Variants in SCYL3 observed in about 807,000 individuals in gnomAD.
The protein encoded by SCYL3 is protein-associating with the carboxyl-terminal domain of ezrin.
A neutral mutation model predicts 73.8 loss-of-function variants in SCYL3; 35 were observed. The ratio of observed to expected loss-of-function variants is 0.47; its 90% CI spans 0.36 to 0.63. The LOEUF is 0.63. Among genes scored for constraint, SCYL3 ranks in the 20% least tolerant of loss-of-function variants. The probability of loss-of-function intolerance (pLI) is 0.00; values close to 1 mark genes in which losing one functional copy is unlikely to be tolerated. For synonymous variants in SCYL3, 277 were observed against 295.2 expected, an observed-to-expected ratio of 0.94 and a Z score of 0.63; for missense variants, 712 against 798.9, an observed-to-expected ratio of 0.89 and a Z score of 1.31.
At chr1:169,866,821 C>T (rs1660060058) in intron 8 of SCYL3, 75 bp downstream of exon 8, 2 of 834,766 alleles carry the variant, frequency 2.4e-6, no homozygotes, top group Admixed American at 5.1e-5. Context: ...GACTCATCTT[C>T]TCTAGAATAC....
At chr1:169,855,475 T>C (rs1275345837) in intron 11 of SCYL3, among the ~76,000 whole-genome samples, 1 of 152,222 alleles carries the variant, frequency 6.6e-6, no homozygotes, top group East Asian at 1.9e-4. Context: ...CAGAACTCTT[T>C]TTCACAACAC....
chr1:169,852,588 T>C lies in SCYL3; in HGVS notation c.*1125A>G, dbSNP rs918761968. 3.4e-6 allele frequency: 2 copies of C among 586,390 alleles called. No homozygotes were observed. Among genetic ancestry groups the C allele is most frequent in the Non-Finnish European group, 6.0e-6 (2 of 331,918 alleles). 36.3% of individuals were successfully genotyped at this position (586,390 alleles called of 1,614,324 possible). ...CACATACAAACTAAGACACTGGTAG[T>C]AGCACTCTGAATTGCTATGATAAAC... On this transcript the variant is annotated 3_prime_UTR_variant, in exon 13 of 13. Transcript: ENST00000367771.
chr1:169,856,545 T>C (rs913530393), intron 11 of SCYL3, among the ~76,000 whole-genome samples: 2 of 152,122 alleles, frequency 1.3e-5, no homozygotes, highest in Admixed American at 6.5e-5. Flanking sequence ...TGGGGTAAAC[T>C]CTTAACGATT....
intron 1 of SCYL3, among the ~76,000 whole-genome samples, chr1:169,892,931 T>G (rs1048274074): frequency 3.3e-5 from 5 of 152,202 alleles, no homozygotes; most frequent in African/African-American, 1.2e-4. Flanking sequence ...CTCTGAGTAT[T>G]AAGGATGCAC....
intron 5 of SCYL3, among the ~76,000 whole-genome samples, chr1:169,872,865 G>A (rs571509231): frequency 6.6e-6 from 1 of 152,282 alleles, no homozygotes; most frequent in Admixed American, 6.5e-5. Context: ...TTTACCCAAT[G>A]CCTGTACCCC....
At chr1:169,861,113 C>G (rs1461993130) in intron 10 of SCYL3, among the ~76,000 whole-genome samples, 2 of 152,206 alleles carry the variant, frequency 1.3e-5, no homozygotes, top group Non-Finnish European at 2.9e-5. Flanking sequence ...ATTACTGCTG[C>G]AGATGTAAAT....
chr1:169,882,555 G>A (rs1661362844), intron 2 of SCYL3, among the ~76,000 whole-genome samples: 1 of 152,238 alleles, frequency 6.6e-6, no homozygotes, highest in South Asian at 2.1e-4. Flanking sequence ...GATCCACTGG[G>A]TGAAGCCAGC....
intron 2 of SCYL3, among the ~76,000 whole-genome samples, chr1:169,881,857 A>C (rs146764787): frequency 6.6e-6 from 1 of 152,262 alleles, no homozygotes; most frequent in South Asian, 2.1e-4. Context: ...TTAGATTGCC[A>C]TAAGTGCACA....
chr1:169,893,620 A>T (rs1259936192), intron 1 of SCYL3, among the ~76,000 whole-genome samples, 168 bp downstream of exon 1: 1 of 151,756 alleles, frequency 6.6e-6, no homozygotes, highest in East Asian at 1.9e-4. Context: ...CGAAGCTGAG[A>T]GCACAGCTCA....
Position 169,850,452 on chromosome 1 carries a change from A to G in SCYL3, c.*3261T>C, listed in dbSNP as rs1024965618. On this transcript the variant is annotated 3_prime_UTR_variant, in exon 13 of 13. Transcript: ENST00000367771. ...TGTCTTCTTAGCTTAAACTTTTCAC[A>G]GTGCTGAGCACAGTGCTGACGACTT... 4.0e-6 allele frequency: 3 copies of G among 748,312 alleles called. No homozygotes were observed. Among genetic ancestry groups the G allele is most frequent in the Admixed American group, 5.2e-5 (2 of 38,554 alleles). The allele number at this position is 748,312 out of a possible 1,614,324, so 46.4% of individuals were successfully genotyped here. A position where few individuals can be genotyped will look rare whatever the true frequency, so the allele number is the denominator to read the frequency against.
In SCYL3 at chr1:169,864,492, C is replaced by G; in HGVS notation, c.832G>C (p.Val278Leu). 1 of 1,603,402 alleles carries G rather than the reference C, an allele frequency of 6.2e-7. No individual in the cohort carries two copies. Among genetic ancestry groups the G allele is most frequent in the Non-Finnish European group, 8.5e-7 (1 of 1,176,590 alleles). ...ATCAATTCCTCTGACAAGCAGCTGA[C>G]TCTGTCCAGCAGAAATCTGAGGACA... ...TEFFKFLLDR[V>L]SCLSEELIAS... Residue 278 changes from valine to leucine, a missense_variant, in exon 9 of 13, where the codon GTC (valine) becomes CTC (leucine). Val to Leu is a conservative substitution (Grantham distance 32). Transcript: ENST00000367771.
intron 5 of SCYL3, among the ~76,000 whole-genome samples, chr1:169,872,597 C>T (rs1660485754): frequency 6.6e-6 from 1 of 152,190 alleles, no homozygotes; most frequent in African/African-American, 2.4e-5. Context: ...CAGCTTGCAC[C>T]ACGTGCCTGG....
At chr1:169,863,728 C>A (rs1186027979) in intron 9 of SCYL3, among the ~76,000 whole-genome samples, 12 of 152,184 alleles carry the variant, frequency 7.9e-5, no homozygotes, top group Admixed American at 7.9e-4. Context: ...AAGAAAAATT[C>A]ATGGCTAAAG....
chr1:169,857,225 T>C (rs900879195), intron 11 of SCYL3, among the ~76,000 whole-genome samples: 1 of 152,218 alleles, frequency 6.6e-6, no homozygotes, highest in Non-Finnish European at 1.5e-5. Context: ...ATGCAACCTT[T>C]TTGTAAGCTG....
rs765167068 is a variant in SCYL3 at position 169,862,647 on chromosome 1, G to A, written c.1106C>T (p.Thr369Ile). 3 of 1,614,052 alleles carry A rather than the reference G, an allele frequency of 1.9e-6. No homozygotes were observed. The African/African-American group carries it at 4.0e-5, about 22-fold the overall frequency. ...GATGACTTTCTTCAGCTGCTCCTGA[G>A]TGAAGTGCTCCACGTAGGCCTCGAT... ...SHIEAYVEHF[T>I]QEQLKKVILP... The change falls in exon 10 of 13, where the codon ACT becomes ATT. Residue 369 changes from threonine (T) to isoleucine (I), a missense_variant. Thr to Ile is a moderately conservative substitution (Grantham distance 89). Transcript: ENST00000367771.
At chr1:169,864,903 GAGGTTGC>G (rs1659924599) in intron 8 of SCYL3, among the ~76,000 whole-genome samples, 1 of 151,510 alleles carries the variant, frequency 6.6e-6, no homozygotes, top group South Asian at 2.1e-4. Flanking sequence ...CTGGGAGGCA[GAGGTTGC>G]AGTGAGCTGA....
Position 169,873,685 on chromosome 1 carries a change from T to A in SCYL3, c.522+11A>T, listed in dbSNP as rs372626051. ...AGGCACCTTCATTATATGTGAAGTATATCATCTTACCATCTCTTCAGGAGG... is the reference window on the plus strand; with the variant it reads ...AGGCACCTTCATTATATGTGAAGTAAATCATCTTACCATCTCTTCAGGAGG... On this transcript the variant is annotated intron_variant, in intron 5 of 12. Transcript: ENST00000367771. 1 of 1,580,488 alleles carries A rather than the reference T, an allele frequency of 6.3e-7. No individual in the cohort carries two copies. Among genetic ancestry groups the A allele is most frequent in the Non-Finnish European group, 8.7e-7 (1 of 1,153,952 alleles).
chr1:169,875,679 G>C (rs984217113), intron 4 of SCYL3, among the ~76,000 whole-genome samples: 1 of 152,218 alleles, frequency 6.6e-6, no homozygotes, highest in Non-Finnish European at 1.5e-5. Flanking sequence ...TATGATCCAA[G>C]TAAGTACAAG....
At chr1:169,885,288 C>T (rs1023753739) in intron 2 of SCYL3, among the ~76,000 whole-genome samples, 2 of 152,162 alleles carry the variant, frequency 1.3e-5, no homozygotes, top group Non-Finnish European at 2.9e-5. Context: ...ATAAATGATT[C>T]CCCTTTATCA....
Sources: gnomAD v4.1 joint callset for allele counts (sites outside exome capture counted in the v4.1 genomes callset) on GRCh38, gnomAD v4.1.1 for gene constraint, MANE v1.5 for transcripts, NCBI Gene and HGNC (gene_info 2026-07-23, HGNC 2026-07-21) for gene names.